ZFPM2: variants seen among roughly 807,000 people sequenced by gnomAD.
ZFPM2 encodes zinc finger protein ZFPM2.
In ZFPM2, 20 loss-of-function variants were observed where a neutral mutation model predicts 98.6. The ratio of observed to expected loss-of-function variants is 0.20; its 90% CI spans 0.14 to 0.29. The LOEUF (loss-of-function observed/expected upper bound fraction) is 0.29. Among genes scored for constraint, ZFPM2 ranks in the 10% least tolerant of loss-of-function variants. The probability of loss-of-function intolerance (pLI) is 1.00; values close to 1 mark genes in which losing one functional copy is unlikely to be tolerated. For synonymous variants in ZFPM2, 518 were observed against 502.7 expected (o/e 1.03, Z -0.41); for missense variants, 1,310 against 1,388.6 (o/e 0.94, Z 0.90).
At chr8:105,667,842 A>T (rs779503911) in intron 5 of ZFPM2, among the ~76,000 whole-genome samples, 10 of 152,178 alleles carry the variant, frequency 6.6e-5, no homozygotes, top group Non-Finnish European at 1.2e-4. Context: ...TGTGTTTACT[A>T]TTGTTATTTT....
chr8:105,649,533 T>G (rs573664034), intron 5 of ZFPM2, among the ~76,000 whole-genome samples: 54 of 152,368 alleles, frequency 3.5e-4, no homozygotes, highest in Non-Finnish European at 7.5e-4. Flanking sequence ...TAAATAGCTC[T>G]TATTATTTTG....
intron 4 of ZFPM2, among the ~76,000 whole-genome samples, chr8:105,580,817 C>CTA (rs1333995271): frequency 8.3e-4 from 93 of 112,218 alleles, no homozygotes; most frequent in Middle Eastern, 4.7e-3. Context: ...CTCTCTCTCT[C>CTA]TCTCTCTCTC....
chr8:105,571,222 C>A (rs1815348339), intron 4 of ZFPM2, among the ~76,000 whole-genome samples: 1 of 152,122 alleles, frequency 6.6e-6, no homozygotes, highest in Admixed American at 6.6e-5. Context: ...CATGAATTTT[C>A]TTAATGCAGA....
At chr8:105,569,306 T>G (rs1487692088) in intron 4 of ZFPM2, among the ~76,000 whole-genome samples, 2 of 152,172 alleles carry the variant, frequency 1.3e-5, no homozygotes, top group African/African-American at 2.4e-5. Flanking sequence ...CATTAATTTT[T>G]TCCTTTCACT....
intron 3 of ZFPM2, among the ~76,000 whole-genome samples, chr8:105,491,249 G>C (rs1364816684): frequency 6.6e-6 from 1 of 151,762 alleles, no homozygotes; most frequent in East Asian, 1.9e-4. Context: ...TCACCTCTTG[G>C]TCAAAGAACT....
chr8:105,569,455 G>T (rs758363311), intron 4 of ZFPM2, among the ~76,000 whole-genome samples: 9 of 152,168 alleles, frequency 5.9e-5, no homozygotes, highest in African/African-American at 2.2e-4. Flanking sequence ...CACAGGAAAT[G>T]CTATCTTGTA....
chr8:105,695,447 T>C (rs1456674399), intron 5 of ZFPM2, among the ~76,000 whole-genome samples: 1 of 151,666 alleles, frequency 6.6e-6, no homozygotes, highest in Non-Finnish European at 1.5e-5. Context: ...CATGCTTCTT[T>C]TTGTTTAACT....
chr8:105,581,408 G>A (rs1276516935), intron 4 of ZFPM2, among the ~76,000 whole-genome samples: 2 of 152,130 alleles, frequency 1.3e-5, no homozygotes, highest in South Asian at 4.1e-4. Flanking sequence ...GTATCATGAG[G>A]ATATACTAAA....
chr8:105,694,228 T>C lies in ZFPM2; in HGVS notation c.532+59871T>C, dbSNP rs531375687. Among the ~76,000 whole-genome samples, 271 of 152,040 alleles carry C rather than the reference T, an allele frequency of 1.8e-3. 1 individual carries two copies. The highest frequency in any genetic ancestry group is 3.1e-3 in the Non-Finnish European group (209 of 67,962). ...GTCTCAATCTCCTGACCTTGTGATC[T>C]GCCCCCCGCGGCCTCCCAAAGTGCT... is the stretch of plus-strand genomic sequence containing the variant. On this transcript the variant is annotated intron_variant, in intron 5 of 7. Coordinates refer to ENST00000407775, the MANE Select transcript of ZFPM2 (RefSeq NM_012082.4).
At chr8:105,417,017 C>T (rs1811691890) in intron 1 of ZFPM2, among the ~76,000 whole-genome samples, 1 of 152,054 alleles carries the variant, frequency 6.6e-6, no homozygotes, top group African/African-American at 2.4e-5. Context: ...AATCTCTTGA[C>T]TCATGCCTGT....
chr8:105,792,122 C>T (rs1230925398), intron 6 of ZFPM2, among the ~76,000 whole-genome samples: 1 of 151,948 alleles, frequency 6.6e-6, no homozygotes, highest in African/African-American at 2.4e-5. Flanking sequence ...TATTTCTTGC[C>T]TTCTGCTAGT....
chr8:105,752,875 G>A (rs1272202482), intron 5 of ZFPM2, among the ~76,000 whole-genome samples: 1 of 152,036 alleles, frequency 6.6e-6, no homozygotes, highest in African/African-American at 2.4e-5. Context: ...ATTTCATTAG[G>A]ACACTGGAAC....
At chr8:105,532,765 G>A in intron 3 of ZFPM2, among the ~76,000 whole-genome samples, 1 of 152,150 alleles carries the variant, frequency 6.6e-6, no homozygotes, top group East Asian at 1.9e-4. Flanking sequence ...GGGGGTACAA[G>A]GTACCTGCTC....
chr8:105,800,058 A>C (rs552592412), intron 7 of ZFPM2, among the ~76,000 whole-genome samples: 5 of 152,214 alleles, frequency 3.3e-5, no homozygotes, highest in Non-Finnish European at 5.9e-5. Flanking sequence ...GTCATGTACA[A>C]AACAAAAAGA....
At chr8:105,688,041 G>A (rs1428683072) in intron 5 of ZFPM2, among the ~76,000 whole-genome samples, 2 of 151,948 alleles carry the variant, frequency 1.3e-5, no homozygotes, top group African/African-American at 4.8e-5. Flanking sequence ...AGAAACACTA[G>A]AAAGAAAATG....
At chr8:105,764,548 AT>A (rs1196510768) in intron 5 of ZFPM2, among the ~76,000 whole-genome samples, 4 of 151,894 alleles carry the variant, frequency 2.6e-5, no homozygotes, top group African/African-American at 4.8e-5. Context: ...AGAAAAAAAA[AT>A]CTTCCATGGA....
intron 4 of ZFPM2, 71 bp downstream of exon 4, chr8:105,561,552 C>A: frequency 8.3e-7 from 1 of 1,199,822 alleles, no homozygotes; most frequent in Non-Finnish European, 1.2e-6. Flanking sequence ...CTCAGAAATT[C>A]TCTCTGCTTG....
chr8:105,674,022 C>T (rs1817644331), intron 5 of ZFPM2, among the ~76,000 whole-genome samples: 1 of 152,092 alleles, frequency 6.6e-6, no homozygotes, highest in Non-Finnish European at 1.5e-5. Context: ...TCAAGAAAGG[C>T]AATTTTAGTT....
chr8:105,336,164 C>T (rs939149641), intron 1 of ZFPM2, among the ~76,000 whole-genome samples: 3 of 151,736 alleles, frequency 2.0e-5, no homozygotes, highest in South Asian at 2.1e-4. Flanking sequence ...TTGGGGTTCA[C>T]GTTCCTGCTC....
Sources: allele counts gnomAD v4.1 joint callset (sites outside exome capture counted in the v4.1 genomes callset), GRCh38; gene constraint gnomAD v4.1.1; transcripts MANE v1.5; gene names NCBI Gene and HGNC (gene_info 2026-07-23, HGNC 2026-07-21).